PCDH9: variants seen among roughly 807,000 people sequenced by gnomAD.
PCDH9 encodes the protein protocadherin-9.
In PCDH9, 24 loss-of-function variants were observed where a neutral mutation model predicts 70.6. The observed-to-expected ratio is 0.34, with a 90% CI of 0.25 to 0.48. PCDH9 has a LOEUF of 0.48. Ranked by LOEUF, PCDH9 falls within the 20% of genes least tolerant of loss-of-function variation. PCDH9 has a pLI of 0.99. For missense variants in PCDH9, 1,281 were observed against 1,503.6 expected (o/e 0.85, Z 2.45); for synonymous variants, 562 against 558.5 (o/e 1.01, Z -0.09).
intron 4 of PCDH9, among the ~76,000 whole-genome samples, chr13:66,428,997 G>C (rs560289645): frequency 6.6e-6 from 1 of 150,968 alleles, no homozygotes; most frequent in East Asian, 1.9e-4. Flanking sequence ...AAAGAAAGTT[G>C]AAAAGACGAA....
chr13:67,094,387 G>T (rs2086279606), intron 2 of PCDH9, among the ~76,000 whole-genome samples: 2 of 152,114 alleles, frequency 1.3e-5, no homozygotes, highest in Non-Finnish European at 2.9e-5. Context: ...AGGTAGCTCT[G>T]CAAAGAAAGC....
intron 4 of PCDH9, among the ~76,000 whole-genome samples, chr13:66,555,159 A>T (rs1448629720): frequency 6.6e-6 from 1 of 152,094 alleles, no homozygotes; most frequent in Non-Finnish European, 1.5e-5. Flanking sequence ...ACAAGAGTGA[A>T]ACTCTGTCTC....
At chr13:66,908,307 C>T (rs927893443) in intron 2 of PCDH9, among the ~76,000 whole-genome samples, 3 of 152,210 alleles carry the variant, frequency 2.0e-5, no homozygotes, top group African/African-American at 4.8e-5. Context: ...ATGCTATACA[C>T]TCATGGCTTT....
intron 2 of PCDH9, among the ~76,000 whole-genome samples, chr13:66,949,042 T>C (rs2083135923): frequency 6.6e-6 from 1 of 152,130 alleles, no homozygotes; most frequent in Non-Finnish European, 1.5e-5. Context: ...TTTCAGTTCT[T>C]TCATTTGATA....
At chr13:66,771,130 G>A (rs1198273845) in intron 3 of PCDH9, among the ~76,000 whole-genome samples, 2 of 152,026 alleles carry the variant, frequency 1.3e-5, no homozygotes. Context: ...TGAGTGCAGT[G>A]GCTATTCACA....
chr13:66,872,572 A>G (rs2081714598), intron 3 of PCDH9, among the ~76,000 whole-genome samples: 1 of 150,910 alleles, frequency 6.6e-6, no homozygotes, highest in South Asian at 2.1e-4. Flanking sequence ...AATTTAATAA[A>G]GGCTTTTTTT....
rs200408330 is a variant in PCDH9 at position 66,304,725 on chromosome 13, G to A, written c.3644C>T (p.Pro1215Leu). The change falls in exon 5 of 5, where the codon CCT becomes CTT. Residue 1215 changes from proline (P) to leucine (L), a missense_variant. By Grantham distance (98) the Pro-to-Leu change is moderately conservative (BLOSUM62 -3). Coordinates refer to ENST00000377865, the MANE Select transcript of PCDH9 (RefSeq NM_203487.3). ...CTTATAAGACTTCAGATTTGCCAGA[G>A]GAATGTCTGTCATGTGGCTGCCATT... ...FNNGSHMTDI[P>L]LANLKSYKQA... is the part of the protein sequence containing the mutation. The A allele has an allele frequency of 6.2e-6, 10 of 1,613,110 alleles. No individual in the cohort carries two copies. Among genetic ancestry groups the A allele is most frequent in the Non-Finnish European group, 8.5e-6 (10 of 1,179,394 alleles).
At chr13:66,736,396 G>C (rs1252815111) in intron 3 of PCDH9, among the ~76,000 whole-genome samples, 1 of 152,150 alleles carries the variant, frequency 6.6e-6, no homozygotes, top group South Asian at 2.1e-4. Context: ...GAACATGTGA[G>C]GACACAGGGA....
intron 2 of PCDH9, among the ~76,000 whole-genome samples, chr13:67,177,605 A>G (rs541031214): frequency 1.3e-5 from 2 of 152,050 alleles, no homozygotes; most frequent in Non-Finnish European, 2.9e-5. Flanking sequence ...TTACAATCTT[A>G]CTTCTGTGCA....
At chr13:66,549,166 C>T (rs35095550) in intron 4 of PCDH9, among the ~76,000 whole-genome samples, 39,346 of 151,786 alleles carry the variant, frequency 0.26, 5,328 homozygotes, top group South Asian at 0.34. Context: ...AAAATATATA[C>T]ATGTGTATAT....
chr13:66,846,881 T>TAA (rs1482688635), intron 3 of PCDH9, among the ~76,000 whole-genome samples: 2 of 78,540 alleles, frequency 2.5e-5, no homozygotes, highest in Non-Finnish European at 5.4e-5. Flanking sequence ...CCCTTTCTCA[T>TAA]AATACACACA....
chr13:66,471,005 T>C (rs961539543), intron 4 of PCDH9, among the ~76,000 whole-genome samples: 1 of 151,210 alleles, frequency 6.6e-6, no homozygotes, highest in Non-Finnish European at 1.5e-5. Flanking sequence ...ATTAATGCTG[T>C]TTAACTGTTA....
chr13:66,345,206 C>A (rs867773681), intron 4 of PCDH9, among the ~76,000 whole-genome samples: 1 of 152,086 alleles, frequency 6.6e-6, no homozygotes, highest in Non-Finnish European at 1.5e-5. Context: ...CCAAGATGTT[C>A]CAGGCCTATT....
In PCDH9 at chr13:66,304,913, T is replaced by C. The variant is rs950904973; in HGVS notation, c.3456A>G (p.Gln1152=). 6.2e-7 allele frequency: 1 copy of C among 1,613,548 alleles called. No homozygotes were observed. The highest frequency in any genetic ancestry group is 2.2e-5 in the East Asian group (1 of 44,838). ...CWMPPGLGPY[Q]HPKSPLSTFA... is the part of the protein sequence containing the mutation. ...AGGTTGAGAGAGGAGATTTGGGGTG[T>C]TGATATGGACCCAAGCCAGGAGGCA... Residue 1152 remains glutamine, a synonymous_variant, in exon 5 of 5, where the codon CAA becomes CAG. Transcript: ENST00000377865.
At chr13:66,549,886 C>T (rs1020535442) in intron 4 of PCDH9, among the ~76,000 whole-genome samples, 11 of 151,992 alleles carry the variant, frequency 7.2e-5, no homozygotes, top group African/African-American at 2.7e-4. Context: ...ATAGATGAGT[C>T]TGTAAGAAAT....
chr13:67,212,935 G>A (rs1408848830), intron 2 of PCDH9: 2 of 152,070 alleles, frequency 1.3e-5, no homozygotes, highest in African/African-American at 4.8e-5. Flanking sequence ...GCTAATAGAA[G>A]GCGCGGTGGC....
intron 3 of PCDH9, among the ~76,000 whole-genome samples, chr13:66,877,272 T>C (rs1002959075): frequency 6.6e-6 from 1 of 151,594 alleles, no homozygotes; most frequent in African/African-American, 2.4e-5. Context: ...GAAATATATA[T>C]GTTATATCAG....
At chr13:66,508,557 C>T (rs748071293) in intron 4 of PCDH9, among the ~76,000 whole-genome samples, 2 of 152,048 alleles carry the variant, frequency 1.3e-5, no homozygotes, top group African/African-American at 2.4e-5. Context: ...CGGGTGATGT[C>T]GAATACATTT....
At chr13:66,859,883 C>A (rs1430961090) in intron 3 of PCDH9, among the ~76,000 whole-genome samples, 1 of 152,010 alleles carries the variant, frequency 6.6e-6, no homozygotes, top group East Asian at 1.9e-4. Context: ...TTGTTTGTAA[C>A]CTAAGAAAGC....
Sources: allele counts gnomAD v4.1 joint callset (sites outside exome capture counted in the v4.1 genomes callset), GRCh38; gene constraint gnomAD v4.1.1; transcripts MANE v1.5; gene names NCBI Gene and HGNC (gene_info 2026-07-23, HGNC 2026-07-21).